RADIL: variants seen among roughly 807,000 people sequenced by gnomAD.
RADIL encodes the protein ras-associating and dilute domain-containing protein.
RADIL carries 99 observed loss-of-function variants against 97.6 expected under a neutral mutation model. The ratio of observed to expected loss-of-function variants is 1.01; its 90% CI spans 0.86 to 1.20. The LOEUF is 1.20. Ranked by LOEUF, RADIL falls within the 50% of genes most tolerant of loss-of-function variation. RADIL has a pLI of 0.00. For synonymous variants in RADIL, 803 were observed against 691.8 expected, an observed-to-expected ratio of 1.16 and a Z score of -2.52; for missense variants, 1,765 against 1,498.9, an observed-to-expected ratio of 1.18 and a Z score of -2.93.
chr7:4,851,218 G>A (rs1348892715), intron 2 of RADIL, among the ~76,000 whole-genome samples: 1 of 151,372 alleles, frequency 6.6e-6, no homozygotes, highest in Non-Finnish European at 1.5e-5. Context: ...AAGAAAAAAA[G>A]AAAAGAAAAG....
rs376640460 is a variant in RADIL, at chr7:4,816,194, C to T, written c.1966+34G>A. On this transcript the variant is annotated intron_variant, in intron 8 of 14. Coordinates refer to ENST00000399583, the MANE Select transcript of RADIL (RefSeq NM_018059.5). Reference sequence around the variant, plus strand: ...CAGCCGTCATGTCCAGGAATGTGAGCCCCCGACCCCTCAACCCTGCACGAG... The same window carrying T: ...CAGCCGTCATGTCCAGGAATGTGAGTCCCCGACCCCTCAACCCTGCACGAG... The T allele has an allele frequency of 1.8e-4, 277 of 1,573,270 alleles. No homozygotes were observed. In the African/African-American group the frequency reaches 3.5e-3, roughly 20 times the overall value.
intron 2 of RADIL, among the ~76,000 whole-genome samples, chr7:4,865,193 T>G (rs368472268): frequency 2.0e-4 from 31 of 152,226 alleles, no homozygotes; most frequent in African/African-American, 4.1e-4. Context: ...GAGAGTGAAT[T>G]TCCCTCACCC....
chr7:4,863,478 C>T (rs568096849), intron 2 of RADIL, among the ~76,000 whole-genome samples: 24 of 151,940 alleles, frequency 1.6e-4, no homozygotes, highest in African/African-American at 4.8e-4. Flanking sequence ...CCTGTGTAGA[C>T]GCTGTGTCCT....
At chr7:4,801,220 G>A (rs183242719) in intron 12 of RADIL, among the ~76,000 whole-genome samples, 4 of 152,208 alleles carry the variant, frequency 2.6e-5, no homozygotes, top group African/African-American at 9.6e-5. Flanking sequence ...GCACACCCAT[G>A]CACCTGTGAG....
At chr7:4,799,558 C>G in intron 14 of RADIL, 72 bp downstream of exon 14, 2 of 1,611,222 alleles carry the variant, frequency 1.2e-6, no homozygotes, top group Non-Finnish European at 1.7e-6. Flanking sequence ...CGGGCCTCTC[C>G]TTTACCCCAG....
intron 5 of RADIL, 75 bp downstream of exon 5, chr7:4,832,066 C>T: frequency 1.3e-6 from 2 of 1,527,072 alleles, no homozygotes; most frequent in African/African-American, 1.4e-5. Flanking sequence ...CCCCTCGGGA[C>T]TTGGCTCCCC....
At position 4,797,964 on chromosome 7, in the gene RADIL, A is replaced by T. The variant is rs1007398980; in HGVS notation, c.*1414T>A. 5.9e-5 allele frequency: 9 copies of T among 151,558 alleles called. No homozygotes were observed. The highest frequency in any genetic ancestry group is 2.2e-4 in the African/African-American group (9 of 41,222). The allele number at this position is 151,558 out of a possible 1,614,324, so 9.4% of individuals were successfully genotyped here. On this transcript the variant is annotated 3_prime_UTR_variant, in exon 15 of 15. Coordinates refer to ENST00000399583, the MANE Select transcript of RADIL (RefSeq NM_018059.5). Reference sequence around the variant, plus strand: ...ACTCCAGCCTGGGTCACAGAGCGAGACTCCGTCTCATAAAAAAAAATTAAA... The same window carrying T: ...ACTCCAGCCTGGGTCACAGAGCGAGTCTCCGTCTCATAAAAAAAAATTAAA...
chr7:4,861,807 T>C, intron 2 of RADIL: 1 of 1,373,566 alleles, frequency 7.3e-7, no homozygotes, highest in South Asian at 1.7e-5. Context: ...GGAAACGGCA[T>C]CATCTTTCAG....
At chr7:4,800,144 G>A (rs368420841) in intron 13 of RADIL, 27 bp downstream of exon 13, 127 of 1,570,050 alleles carry the variant, frequency 8.1e-5, no homozygotes, top group South Asian at 6.2e-4. Flanking sequence ...CAGTATGGGG[G>A]TGCGGCGAGG....
chr7:4,847,920 G>C (rs1046566194), intron 2 of RADIL, among the ~76,000 whole-genome samples: 1 of 152,160 alleles, frequency 6.6e-6, no homozygotes, highest in Non-Finnish European at 1.5e-5. Context: ...TGCCGGCCGG[G>C]TGCAGTGGCT....
rs1782281725 is a variant in RADIL at position 4,805,649 on chromosome 7, G to C, written c.2207C>G (p.Thr736Ser). ...LSPAQLHRLL[T>S]HYQLASAMGP... is the part of the protein sequence containing the mutation. The stretch of plus-strand genomic sequence containing the variant: ...CATGGCCGAGGCCAGCTGGTAGTGA[G>C]TCAGCAGCCGGTGCAGCTGTGCTGG... The change falls in exon 10 of 15, where the codon ACT becomes AGT. Residue 736 changes from threonine (T) to serine (S), a missense_variant. Coordinates refer to ENST00000399583, the MANE Select transcript of RADIL (RefSeq NM_018059.5). 6.2e-7 allele frequency: 1 copy of C among 1,611,826 alleles called. No homozygotes were observed. Among genetic ancestry groups the C allele is most frequent in the Non-Finnish European group, 8.5e-7 (1 of 1,179,882 alleles).
At chr7:4,857,742 T>G (rs545943331) in intron 2 of RADIL, 1 of 152,744 alleles carries the variant, frequency 6.5e-6, no homozygotes, top group Admixed American at 6.5e-5. Context: ...CTTTGCTTGT[T>G]TGCCATTTAT....
At chr7:4,805,030 G>C (rs1223672200) in intron 10 of RADIL, among the ~76,000 whole-genome samples, 1 of 152,090 alleles carries the variant, frequency 6.6e-6, no homozygotes, top group Non-Finnish European at 1.5e-5. Flanking sequence ...GGAGGTGGAG[G>C]TTGCAGTGAG....
In RADIL at chr7:4,877,963, C is replaced by G. The variant is rs1401020848; in HGVS notation, c.177G>C (p.Leu59=). 6.2e-7 allele frequency: 1 copy of G among 1,611,328 alleles called. No individual in the cohort carries two copies. The highest frequency in any genetic ancestry group is 1.3e-5 in the African/African-American group (1 of 74,942). ...SDDPAELSTQ[L]SAPGVLKVFG... ...ACACCTTCAGGACACCAGGGGCCGA[C>G]AGCTGGGTGGAGAGCTCGGCGGGGT... Residue 59 remains leucine (L), a synonymous_variant, in exon 2 of 15, where the codon CTG becomes CTC. Transcript: ENST00000399583.
chr7:4,879,203 T>C lies in RADIL; in HGVS notation c.-64-1000A>G, dbSNP rs2115055625. Among the ~76,000 whole-genome samples, 1 of 152,312 alleles carries C rather than the reference T, an allele frequency of 6.6e-6. No individual in the cohort carries two copies. Among genetic ancestry groups the C allele is most frequent in the South Asian group, 2.1e-4 (1 of 4,824 alleles). On this transcript the variant is annotated intron_variant, in intron 1 of 14. Coordinates refer to ENST00000399583, the MANE Select transcript of RADIL (RefSeq NM_018059.5). The surrounding 1 kb of genome is among the most constrained non-coding windows in gnomAD (Gnocchi z 4.1). ...GGCGCTCCAGGCCACAGAGATGCAG[T>C]CTCCTGGGGAAACGGGAAAACAGCC... is the stretch of plus-strand genomic sequence containing the variant.
chr7:4,811,393 T>A (rs538842422), intron 9 of RADIL: 1 of 152,204 alleles, frequency 6.6e-6, no homozygotes, highest in Non-Finnish European at 1.5e-5. Flanking sequence ...AGTTTTGCTG[T>A]CAAGGTATTA....
rs1783333435 is a variant in RADIL, at chr7:4,837,600, TGCACAC to T, written c.536-1001_536-996del. ...AAATACACATGCACCCACACAAAAA[TGCACAC>T]ACACATGCACACACATGCACCCAAA... On this transcript the variant is annotated intron_variant, in intron 2 of 14. Coordinates refer to ENST00000399583, the MANE Select transcript of RADIL (RefSeq NM_018059.5). This position sits in a 1 kb window ranked among gnomAD's most constrained non-coding sequence, Gnocchi z 5.6. Among the ~76,000 whole-genome samples, 1 of 151,460 alleles carries T rather than the reference TGCACAC, an allele frequency of 6.6e-6. No individual in the cohort carries two copies. The highest frequency in any genetic ancestry group is 2.4e-5 in the African/African-American group (1 of 41,196).
At chr7:4,808,762 C>G in intron 9 of RADIL, 2 of 971,772 alleles carry the variant, frequency 2.1e-6, no homozygotes, top group Non-Finnish European at 2.4e-6. Context: ...CGCCACTGCC[C>G]CCCGTTCCGA....
rs1000952399 is a variant in RADIL, at chr7:4,813,118, TTTTC to T, written c.2139+2156_2139+2159del. 3.3e-5 allele frequency among the ~76,000 whole-genome samples: 5 copies of T among 151,218 alleles called. No homozygotes were observed. The highest frequency in any genetic ancestry group is 1.9e-4 in the East Asian group (1 of 5,170). On this transcript the variant is annotated intron_variant, in intron 9 of 14. Coordinates refer to ENST00000399583, the MANE Select transcript of RADIL (RefSeq NM_018059.5). The surrounding 1 kb of genome is among the most constrained non-coding windows in gnomAD (Gnocchi z 5.0). ...TCTCTCTCTTTCCTTTCTTTCTTTC[TTTTC>T]TTTCTTTCATAGTTGAGGTCTTCCT...
Sources: gnomAD v4.1 joint callset for allele counts (sites outside exome capture counted in the v4.1 genomes callset) on GRCh38, gnomAD v4.1.1 for gene constraint, Gnocchi (gnomAD v3.1) non-coding constraint, MANE v1.5 for transcripts, NCBI Gene and HGNC (gene_info 2026-07-23, HGNC 2026-07-21) for gene names.